UFSP1: variants seen among roughly 807,000 people sequenced by gnomAD.
UFSP1 encodes the protein UFM1 specific peptidase 1, also known as ufm1-specific protease 1.
For synonymous variants in UFSP1, 119 were observed against 77.6 expected (o/e 1.53, Z -2.81); for missense variants, 261 against 182.7 (o/e 1.43, Z -2.47).
At position 100,889,463 on chromosome 7, in the gene UFSP1, G is replaced by A; in HGVS notation, c.-192C>T. 1 of 538,724 alleles carries A rather than the reference G, an allele frequency of 1.9e-6. No homozygotes were observed. Among genetic ancestry groups the A allele is most frequent in the Non-Finnish European group, 3.2e-6 (1 of 313,518 alleles). The allele number at this position is 538,724 out of a possible 1,614,324, so 33.4% of individuals were successfully genotyped here. ...AGGCGGACAGGGCCGCGGCTCGGCG[G>A]GGACAGGCCCACGTGGACGTCCCTC... On this transcript the variant is annotated 5_prime_UTR_variant, in exon 1 of 1. Coordinates refer to ENST00000388761, the MANE Select transcript of UFSP1 (RefSeq NM_001015072.4).
chr7:100,889,238 G>A lies in UFSP1; in HGVS notation c.34C>T (p.Arg12Trp). Residue 12 changes from arginine to tryptophan, a missense_variant, in exon 1 of 1, where the codon CGG becomes TGG. By Grantham distance (101) the Arg-to-Trp change is moderately radical. Transcript: ENST00000388761. ...GCCTCCACGCAGCCGATCCAGTCCC[G>A]GGAGCCCCGGAAGCCGGGGGGCTTG... 1 of 1,558,380 alleles carries A rather than the reference G, an allele frequency of 6.4e-7. No homozygotes were observed. Among genetic ancestry groups the A allele is most frequent in the East Asian group, 2.3e-5 (1 of 44,326 alleles).
Position 100,888,872 on chromosome 7 carries a change from A to G in UFSP1, c.400T>C (p.Ser134Pro). ...TCCAAGGTGCGCTGCTGCTGTTGGG[A>G]GCTAAGGCTGGTCAAGCACAGGTTG... is the stretch of plus-strand genomic sequence containing the variant. Residue 134 changes from serine (S) to proline (P), a missense_variant, in exon 1 of 1, where the codon TCC becomes CCC. Ser to Pro is a moderately conservative substitution (Grantham distance 74). Transcript: ENST00000388761. 1 of 1,613,222 alleles carries G rather than the reference A, an allele frequency of 6.2e-7. No homozygotes were observed. Among genetic ancestry groups the G allele is most frequent in the South Asian group, 1.1e-5 (1 of 90,990 alleles).
rs979511021 is a variant in UFSP1, at chr7:100,888,852, G to A, written c.420C>T (p.Thr140=). The change falls in exon 1 of 1, where the codon ACC becomes ACT. Residue 140 remains threonine (T), a synonymous_variant. Transcript: ENST00000388761. ...TTCTGTAACTTCGTCCTCAGTCCAA[G>A]GTGCGCTGCTGCTGTTGGGAGCTAA... 2 of 1,607,696 alleles carry A rather than the reference G, an allele frequency of 1.2e-6. No homozygotes were observed. Among genetic ancestry groups the A allele is most frequent in the Non-Finnish European group, 8.5e-7 (1 of 1,175,886 alleles).
Position 100,889,334 on chromosome 7 carries a change from A to G in UFSP1, c.-63T>C, listed in dbSNP as rs1036339062. 7.2e-7 allele frequency: 1 copy of G among 1,387,180 alleles called. No individual in the cohort carries two copies. The allele number at this position is 1,387,180 out of a possible 1,614,324, so 85.9% of individuals were successfully genotyped here. On this transcript the variant is annotated 5_prime_UTR_variant, in exon 1 of 1. Transcript: ENST00000388761. ...ACGCCCGCGGGCTGGCCCTCTGGCC[A>G]CGAGCACAGCGTCTGCAGAGTGCGG...
In UFSP1 at chr7:100,888,822, C is replaced by G. The variant is rs1563029238; in HGVS notation, c.*21G>C. 3 of 1,588,658 alleles carry G rather than the reference C, an allele frequency of 1.9e-6. No individual in the cohort carries two copies. Among genetic ancestry groups the G allele is most frequent in the East Asian group, 2.2e-5 (1 of 44,566 alleles). On this transcript the variant is annotated 3_prime_UTR_variant, in exon 1 of 1. Coordinates refer to ENST00000388761, the MANE Select transcript of UFSP1 (RefSeq NM_001015072.4). ...AGGTGCGTGTCTGGGACCCGAGAAT[C>G]TCAGTTCTGTAACTTCGTCCTCAGT...
In UFSP1 at chr7:100,888,805, G is replaced by A; in HGVS notation, c.*38C>T. 6.3e-7 allele frequency: 1 copy of A among 1,579,616 alleles called. No individual in the cohort carries two copies. Among genetic ancestry groups the A allele is most frequent in the South Asian group, 1.2e-5 (1 of 85,602 alleles). On this transcript the variant is annotated 3_prime_UTR_variant, in exon 1 of 1. Transcript: ENST00000388761. ...ACCAGTGGGAGGTACATAGGTGCGTGTCTGGGACCCGAGAATCTCAGTTCT... is the reference window on the plus strand; with the variant it reads ...ACCAGTGGGAGGTACATAGGTGCGTATCTGGGACCCGAGAATCTCAGTTCT...
Position 100,888,842 on chromosome 7 carries a change from C to G in UFSP1, c.*1G>C. The stretch of plus-strand genomic sequence containing the variant: ...AGAATCTCAGTTCTGTAACTTCGTC[C>G]TCAGTCCAAGGTGCGCTGCTGCTGT... On this transcript the variant is annotated 3_prime_UTR_variant, in exon 1 of 1. Coordinates refer to ENST00000388761, the MANE Select transcript of UFSP1 (RefSeq NM_001015072.4). The G allele has an allele frequency of 6.3e-7, 1 of 1,599,448 alleles. No homozygotes were observed. Among genetic ancestry groups the G allele is most frequent in the Non-Finnish European group, 8.5e-7 (1 of 1,170,746 alleles).
chr7:100,889,015 T>C lies in UFSP1; in HGVS notation c.257A>G (p.Tyr86Cys), dbSNP rs887808123. The stretch of plus-strand genomic sequence containing the variant: ...GTAGTGAGGGTCCAATACCAGGACA[T>C]AGGCTTCCGTGCCTGACCCTACGCA... The change falls in exon 1 of 1, where the codon TAT becomes TGT. Residue 86 changes from tyrosine (Y) to cysteine (C), a missense_variant. Coordinates refer to ENST00000388761, the MANE Select transcript of UFSP1 (RefSeq NM_001015072.4). 11 of 1,614,010 alleles carry C rather than the reference T, an allele frequency of 6.8e-6. No homozygotes were observed. The highest frequency in any genetic ancestry group is 6.7e-5 in the African/African-American group (5 of 74,910).
chr7:100,889,025 T>C lies in UFSP1; in HGVS notation c.247A>G (p.Thr83Ala), dbSNP rs1790466700. The change falls in exon 1 of 1, where the codon ACG becomes GCG. Residue 83 changes from threonine to alanine, a missense_variant. By Grantham distance (58) the Thr-to-Ala change is moderately conservative (BLOSUM62 0). Coordinates refer to ENST00000388761, the MANE Select transcript of UFSP1 (RefSeq NM_001015072.4). ...TCCAATACCAGGACATAGGCTTCCG[T>C]GCCTGACCCTACGCAGACTCCCAGC... is the stretch of plus-strand genomic sequence containing the variant. The C allele has an allele frequency of 6.2e-7, 1 of 1,614,038 alleles. No individual in the cohort carries two copies. The highest frequency in any genetic ancestry group is 1.3e-5 in the African/African-American group (1 of 74,930).
chr7:100,888,754 T>G lies in UFSP1; in HGVS notation c.*89A>C. On this transcript the variant is annotated 3_prime_UTR_variant, in exon 1 of 1. Coordinates refer to ENST00000388761, the MANE Select transcript of UFSP1 (RefSeq NM_001015072.4). ...AGCCCTGCCACTTTTATTATTGATG[T>G]CAAAAGCGCCAGGCTTTGCAGGGAC... The G allele has an allele frequency of 1.3e-6, 2 of 1,532,598 alleles. No individual in the cohort carries two copies. The highest frequency in any genetic ancestry group is 1.8e-6 in the Non-Finnish European group (2 of 1,122,044). The allele number at this position is 1,532,598 out of a possible 1,614,324, so 94.9% of individuals were successfully genotyped here.
In UFSP1 at chr7:100,889,315, G is replaced by A. The variant is rs754408033; in HGVS notation, c.-44C>T. ...TACGGCGGCCAGTCCAGGTACGCCC[G>A]CGGGCTGGCCCTCTGGCCACGAGCA... On this transcript the variant is annotated 5_prime_UTR_variant, in exon 1 of 1. Coordinates refer to ENST00000388761, the MANE Select transcript of UFSP1 (RefSeq NM_001015072.4). 3 of 1,449,438 alleles carry A rather than the reference G, an allele frequency of 2.1e-6. No individual in the cohort carries two copies. The highest frequency in any genetic ancestry group is 2.7e-6 in the Non-Finnish European group (3 of 1,100,888). The allele number at this position is 1,449,438 out of a possible 1,614,324, so 89.8% of individuals were successfully genotyped here. A position where few individuals can be genotyped will look rare whatever the true frequency, so the allele number is the denominator to read the frequency against.
At position 100,889,366 on chromosome 7, in the gene UFSP1, C is replaced by T. The variant is rs547380547; in HGVS notation, c.-95G>A. On this transcript the variant is annotated 5_prime_UTR_variant, in exon 1 of 1. Coordinates refer to ENST00000388761, the MANE Select transcript of UFSP1 (RefSeq NM_001015072.4). ...CAGCGTCTGCAGAGTGCGGTAGCCG[C>T]AGCCCCAGCCGCGGTCGTCCAGGCC... 100 of 1,131,712 alleles carry T rather than the reference C, an allele frequency of 8.8e-5. 1 individual carries two copies. The South Asian group carries it at 1.6e-3, about 18-fold the overall frequency. 70.1% of individuals were successfully genotyped at this position (1,131,712 alleles called of 1,614,324 possible). A position where few individuals can be genotyped will look rare whatever the true frequency, so the allele number is the denominator to read the frequency against.
In UFSP1 at chr7:100,889,690, G is replaced by A. The variant is rs1273849056; in HGVS notation, c.-419C>T. On this transcript the variant is annotated 5_prime_UTR_variant, in exon 1 of 1. Coordinates refer to ENST00000388761, the MANE Select transcript of UFSP1 (RefSeq NM_001015072.4). ...AGGCCGCAATAGGCAGCCACCGACC[G>A]GCACCGACCGAGGAGCTCCCACAAT... 2.0e-5 allele frequency: 4 copies of A among 201,046 alleles called. No individual in the cohort carries two copies. Among genetic ancestry groups the A allele is most frequent in the East Asian group, 1.3e-4 (1 of 7,886 alleles). The allele number at this position is 201,046 out of a possible 1,614,324, so 12.5% of individuals were successfully genotyped here. A position where few individuals can be genotyped will look rare whatever the true frequency, so the allele number is the denominator to read the frequency against.
In UFSP1 at chr7:100,889,198, G is replaced by C; in HGVS notation, c.74C>G (p.Ala25Gly). The change falls in exon 1 of 1, where the codon GCT becomes GGT. Residue 25 changes from alanine to glycine, a missense_variant. Transcript: ENST00000388761. ...GCGTCCCTGGGGCCCTCCGAAGTGA[G>C]CGAGGCAGAGGCTGGCCTCCACGCA... The C allele has an allele frequency of 6.2e-7, 1 of 1,607,708 alleles. No homozygotes were observed. Among genetic ancestry groups the C allele is most frequent in the Non-Finnish European group, 8.5e-7 (1 of 1,177,478 alleles).
Position 100,888,747 on chromosome 7 carries a change from A to G in UFSP1, c.*96T>C, listed in dbSNP as rs1368516638. ...GTTGCTCAGCCCTGCCACTTTTATT[A>G]TTGATGTCAAAAGCGCCAGGCTTTG... On this transcript the variant is annotated 3_prime_UTR_variant, in exon 1 of 1. Transcript: ENST00000388761. 6.6e-7 allele frequency: 1 copy of G among 1,514,804 alleles called. No homozygotes were observed. Among genetic ancestry groups the G allele is most frequent in the Non-Finnish European group, 9.1e-7 (1 of 1,104,308 alleles). 93.8% of individuals were successfully genotyped at this position (1,514,804 alleles called of 1,614,324 possible).
In UFSP1 at chr7:100,889,082, C is replaced by A. The variant is rs1257824182; in HGVS notation, c.190G>T (p.Gly64Trp). ...TTGGACCTGGCATCTGCGTCCCCCC[C>A]AACCATGACTGGGCCCCCACCCCCT... Residue 64 changes from glycine (G) to tryptophan (W), a missense_variant, in exon 1 of 1, where the codon GGG (glycine) becomes TGG (tryptophan). Gly to Trp is a radical substitution (Grantham distance 184). Coordinates refer to ENST00000388761, the MANE Select transcript of UFSP1 (RefSeq NM_001015072.4). The A allele has an allele frequency of 1.2e-6, 2 of 1,613,882 alleles. No homozygotes were observed.
Position 100,888,842 on chromosome 7 carries a change from C to T in UFSP1, c.*1G>A, listed in dbSNP as rs147770073. 3.2e-4 allele frequency: 512 copies of T among 1,599,448 alleles called. 4 individuals are homozygous for T. In the African/African-American group the frequency reaches 6.4e-3, roughly 20 times the overall value. On this transcript the variant is annotated 3_prime_UTR_variant, in exon 1 of 1. Coordinates refer to ENST00000388761, the MANE Select transcript of UFSP1 (RefSeq NM_001015072.4). Reference sequence around the variant, plus strand: ...AGAATCTCAGTTCTGTAACTTCGTCCTCAGTCCAAGGTGCGCTGCTGCTGT... The same window carrying T: ...AGAATCTCAGTTCTGTAACTTCGTCTTCAGTCCAAGGTGCGCTGCTGCTGT...
chr7:100,889,543 T>C lies in UFSP1; in HGVS notation c.-272A>G. On this transcript the variant is annotated 5_prime_UTR_variant, in exon 1 of 1. Transcript: ENST00000388761. ...AGGTCCCAGGCCAGGCACAGCGTCC[T>C]CCTAGCGGCGCGGAGCGACCTCAGG... is the stretch of plus-strand genomic sequence containing the variant. 1 of 437,464 alleles carries C rather than the reference T, an allele frequency of 2.3e-6. No individual in the cohort carries two copies. 27.1% of individuals were successfully genotyped at this position (437,464 alleles called of 1,614,324 possible).
rs541013984 is a variant in UFSP1, at chr7:100,889,146, C to T, written c.126G>A (p.Gly42=). ...AAAGCCTCTCCAGCTCCCCGTGCAG[C>T]CCCACTCCCCGGGGTACGTGGCAGA... Residue 42 remains glycine (G), a synonymous_variant, in exon 1 of 1, where the codon GGG becomes GGA. Transcript: ENST00000388761. The T allele has an allele frequency of 1.6e-5, 26 of 1,612,972 alleles. No homozygotes were observed. In the East Asian group the frequency reaches 4.9e-4, roughly 30 times the overall value.
Sources: allele counts gnomAD v4.1 joint callset, GRCh38; gene constraint gnomAD v4.1.1; transcripts MANE v1.5; gene names NCBI Gene and HGNC (gene_info 2026-07-23, HGNC 2026-07-21).